The following STX6 variants were observed in gnomAD, a reference collection of about 807,000 sequenced individuals.
STX6 encodes syntaxin-6.
A neutral mutation model predicts 38.0 loss-of-function variants in STX6; 23 were observed. The ratio of observed to expected loss-of-function variants is 0.60; its 90% CI spans 0.43 to 0.86. STX6 has a LOEUF of 0.86. Ranked by LOEUF, STX6 falls within the 40% of genes least tolerant of loss-of-function variation. The pLI is 0.00. For synonymous variants in STX6, 123 were observed against 107.5 expected, an observed-to-expected ratio of 1.14 and a Z score of -0.89; for missense variants, 274 against 312.9, an observed-to-expected ratio of 0.88 and a Z score of 0.94.
chr1:180,981,237 TTG>T (rs1217655211), intron 7 of STX6, among the ~76,000 whole-genome samples: 1 of 152,106 alleles, frequency 6.6e-6, no homozygotes. Flanking sequence ...ACCGTGATGC[TTG>T]ATGTCAATAG....
At chr1:181,002,819 A>G in intron 2 of STX6, 119 bp from the exon 3 acceptor site, 1 of 655,218 alleles carries the variant, frequency 1.5e-6, no homozygotes, top group Non-Finnish European at 2.7e-6. Flanking sequence ...CTGAAAACAC[A>G]GTCAGCTGGA....
intron 3 of STX6, among the ~76,000 whole-genome samples, chr1:181,001,050 T>C (rs536475592): frequency 6.6e-6 from 1 of 152,258 alleles, no homozygotes; most frequent in Admixed American, 6.5e-5. Context: ...TCCAGAAAGG[T>C]TTCTCCCTCA....
At chr1:180,983,187 TTATGTAACC>T (rs373496248) in intron 7 of STX6, among the ~76,000 whole-genome samples, 91 of 152,356 alleles carry the variant, frequency 6.0e-4, no homozygotes, top group African/African-American at 2.0e-3. Flanking sequence ...CAGAGAACTG[TTATGTAACC>T]TATGAGTTAA....
Position 180,974,745 on chromosome 1 carries a change from A to G in STX6, c.*1825T>C, listed in dbSNP as rs1389770592. 1.3e-5 allele frequency: 2 copies of G among 152,676 alleles called. No homozygotes were observed. The highest frequency in any genetic ancestry group is 2.9e-5 in the Non-Finnish European group (2 of 68,052). The allele number at this position is 152,676 out of a possible 1,614,324, so 9.5% of individuals were successfully genotyped here. ...TTTATAGAAGATTCAAACTTTGTAA[A>G]ACATAAATAACCTAGTACTCTAAAC... On this transcript the variant is annotated 3_prime_UTR_variant, in exon 8 of 8. Coordinates refer to ENST00000258301, the MANE Select transcript of STX6 (RefSeq NM_005819.6).
intron 6 of STX6, among the ~76,000 whole-genome samples, chr1:180,986,093 G>A (rs976276913): frequency 1.1e-4 from 17 of 152,330 alleles, no homozygotes; most frequent in South Asian, 8.3e-4. Context: ...ACCTTTCTGC[G>A]CTAGGTATGA....
chr1:181,002,449 C>T (rs1028768134), intron 3 of STX6, among the ~76,000 whole-genome samples, 157 bp downstream of exon 3: 1 of 152,086 alleles, frequency 6.6e-6, no homozygotes, highest in Non-Finnish European at 1.5e-5. Context: ...CCACCATGCG[C>T]AGCCAATCAG....
intron 1 of STX6, among the ~76,000 whole-genome samples, chr1:181,016,254 C>T (rs998243128): frequency 6.6e-6 from 1 of 152,192 alleles, no homozygotes; most frequent in African/African-American, 2.4e-5. Flanking sequence ...TTCTTGACTT[C>T]CACTCAGTTG....
intron 1 of STX6, among the ~76,000 whole-genome samples, chr1:181,015,374 C>T (rs1246908859): frequency 6.6e-6 from 1 of 152,216 alleles, no homozygotes; most frequent in Non-Finnish European, 1.5e-5. Context: ...CTAGCTTCCT[C>T]ATTTTAGCCA....
chr1:181,017,293 T>C (rs1424098425), intron 1 of STX6, among the ~76,000 whole-genome samples: 3 of 143,992 alleles, frequency 2.1e-5, no homozygotes, highest in Non-Finnish European at 3.0e-5. Context: ...CTCAGGAGGC[T>C]GAGGCAGGAG....
At chr1:180,988,985 CA>C (rs2102308171) in intron 5 of STX6, 1 of 152,320 alleles carries the variant, frequency 6.6e-6, no homozygotes, top group African/African-American at 2.4e-5. Flanking sequence ...ATGTAAAGAA[CA>C]AAAGAACATA....
chr1:181,007,131 G>A (rs1465504233), intron 1 of STX6, among the ~76,000 whole-genome samples: 1 of 152,080 alleles, frequency 6.6e-6, no homozygotes, highest in African/African-American at 2.4e-5. Flanking sequence ...GTATCCTTAG[G>A]GGATTGGTTC....
chr1:180,987,157 C>T (rs368276008), intron 6 of STX6, among the ~76,000 whole-genome samples: 4 of 152,318 alleles, frequency 2.6e-5, no homozygotes, highest in African/African-American at 9.6e-5. Flanking sequence ...CTGCTCCATG[C>T]ACGTGTGCAC....
chr1:180,984,210 TTC>T (rs1655504534), intron 7 of STX6, among the ~76,000 whole-genome samples: 1 of 151,048 alleles, frequency 6.6e-6, no homozygotes, highest in Non-Finnish European at 1.5e-5. Context: ...AAGTCTTCCA[TTC>T]TCTGATTCTA....
chr1:181,022,686 C>A lies in STX6; in HGVS notation c.-13G>T. 1 of 1,606,352 alleles carries A rather than the reference C, an allele frequency of 6.2e-7. No homozygotes were observed. On this transcript the variant is annotated 5_prime_UTR_variant, in exon 1 of 8. Coordinates refer to ENST00000258301, the MANE Select transcript of STX6 (RefSeq NM_005819.6). The stretch of plus-strand genomic sequence containing the variant: ...CCTCCATGGACATGGCGTCCCGGCC[C>A]CGGCCGCCTTCACCTCCTCCGCGCA...
Position 181,016,830 on chromosome 1 carries a change from T to A in STX6, c.35+5809A>T, listed in dbSNP as rs760399365. ...TGCTGGGTGCGGTGGCTCATGCCTG[T>A]AATCCAAGCACTTTGGGAGGCCGAG... On this transcript the variant is annotated intron_variant, in intron 1 of 7. Transcript: ENST00000258301. 6.7e-4 allele frequency among the ~76,000 whole-genome samples: 102 copies of A among 152,168 alleles called. 1 individual carries two copies. The highest frequency in any genetic ancestry group is 4.6e-3 in the Admixed American group (70 of 15,272).
rs1316824570 is a variant in STX6 at position 180,989,271 on chromosome 1, T to TG, written c.489+712dup. 3.3e-5 allele frequency: 5 copies of TG among 152,060 alleles called. No homozygotes were observed. The East Asian group carries it at 9.7e-4, about 29-fold the overall frequency. 9.4% of individuals were successfully genotyped at this position (152,060 alleles called of 1,614,324 possible). On this transcript the variant is annotated intron_variant, in intron 5 of 7. Transcript: ENST00000258301. ...CTTTGGGAGGCTGAGTCAGGTGGAT[T>TG]GCCTGAGCTCAAGAGTTCGAGACCA...
intron 3 of STX6, among the ~76,000 whole-genome samples, chr1:181,002,340 G>A (rs1656105694): frequency 6.6e-6 from 1 of 151,504 alleles, no homozygotes; most frequent in South Asian, 2.1e-4. Context: ...TTTTTGTAGA[G>A]ACAGGGTTTC....
chr1:180,988,384 A>G, intron 5 of STX6, 39 bp from the exon 6 acceptor site: 1 of 1,527,416 alleles, frequency 6.5e-7, no homozygotes, highest in Non-Finnish European at 9.1e-7. Flanking sequence ...ATTAAAATCC[A>G]TCTTACCTGG....
chr1:181,022,827 G>C lies in STX6; in HGVS notation c.-154C>G, dbSNP rs1222261848. The stretch of plus-strand genomic sequence containing the variant: ...GCACGCGCACAGGCCAGGTGCACAG[G>C]ACGGCCGCTGGTCCAGCACTCGCTC... On this transcript the variant is annotated 5_prime_UTR_variant, in exon 1 of 8. Transcript: ENST00000258301. 2.9e-6 allele frequency: 2 copies of C among 689,256 alleles called. No homozygotes were observed. The highest frequency in any genetic ancestry group is 4.8e-6 in the Non-Finnish European group (2 of 413,098). The allele number at this position is 689,256 out of a possible 1,614,324, so 42.7% of individuals were successfully genotyped here.
Sources: allele counts gnomAD v4.1 joint callset (sites outside exome capture counted in the v4.1 genomes callset), GRCh38; gene constraint gnomAD v4.1.1; transcripts MANE v1.5; gene names NCBI Gene and HGNC (gene_info 2026-07-23, HGNC 2026-07-21).